The following MCTP1 variants were observed in gnomAD, a reference collection of about 807,000 sequenced individuals.
MCTP1 encodes multiple C2 and transmembrane domain containing 1.
A neutral mutation model predicts 120.6 loss-of-function variants in MCTP1; 69 were observed. The observed-to-expected ratio is 0.57, with a 90% confidence interval of 0.47 to 0.70. The LOEUF is 0.70. MCTP1 is among the 30% of genes least tolerant of loss of function. The probability of loss-of-function intolerance (pLI) is 0.00; values close to 1 mark genes in which losing one functional copy is unlikely to be tolerated. For missense variants in MCTP1, 1,203 were observed against 1,248.8 expected (o/e 0.96, Z 0.55); for synonymous variants, 529 against 493.1 (o/e 1.07, Z -0.96).
intron 1 of MCTP1, among the ~76,000 whole-genome samples, chr5:95,169,580 T>G (rs1444299400): frequency 6.6e-6 from 1 of 152,236 alleles, no homozygotes; most frequent in African/African-American, 2.4e-5. Context: ...AAGAGCCTGT[T>G]ATTGGTCTAT....
chr5:95,028,892 T>C (rs1045928011), intron 1 of MCTP1, among the ~76,000 whole-genome samples: 2 of 152,208 alleles, frequency 1.3e-5, no homozygotes, highest in African/African-American at 4.8e-5. Flanking sequence ...CCGGGCACGG[T>C]GGCTCACGCC....
intron 1 of MCTP1, among the ~76,000 whole-genome samples, chr5:95,142,782 TAG>T (rs890866016): frequency 6.6e-6 from 1 of 152,096 alleles, no homozygotes; most frequent in African/African-American, 2.4e-5. Context: ...CAACACAGCA[TAG>T]ATAGCATGAA....
At chr5:94,726,984 CAAGT>C (rs1462355585) in intron 19 of MCTP1, among the ~76,000 whole-genome samples, 1 of 152,140 alleles carries the variant, frequency 6.6e-6, no homozygotes, top group East Asian at 1.9e-4. Flanking sequence ...TCTCCACAAC[CAAGT>C]AAGGACTGCT....
At chr5:95,066,707 C>G (rs996107008) in intron 1 of MCTP1, among the ~76,000 whole-genome samples, 6 of 152,000 alleles carry the variant, frequency 3.9e-5, no homozygotes, top group African/African-American at 1.2e-4. Flanking sequence ...ATGGACAAAC[C>G]TGGAGGGCAT....
intron 17 of MCTP1, among the ~76,000 whole-genome samples, chr5:94,807,593 TA>T (rs1337226550): frequency 2.0e-5 from 3 of 152,118 alleles, no homozygotes; most frequent in Non-Finnish European, 4.4e-5. Flanking sequence ...AAAGGGAATA[TA>T]AAAAGAAGGA....
At chr5:95,159,069 G>C (rs1337580535) in intron 1 of MCTP1, among the ~76,000 whole-genome samples, 1 of 152,098 alleles carries the variant, frequency 6.6e-6, no homozygotes, top group Admixed American at 6.6e-5. Context: ...AATCATACCA[G>C]ACTACAACCA....
chr5:94,811,302 A>G (rs1580807908), intron 17 of MCTP1, among the ~76,000 whole-genome samples: 1 of 152,202 alleles, frequency 6.6e-6, no homozygotes, highest in East Asian at 1.9e-4. Context: ...TTTGAGCACT[A>G]AGTATACATT....
intron 1 of MCTP1, among the ~76,000 whole-genome samples, chr5:95,125,968 G>C (rs892649345): frequency 1.3e-5 from 2 of 152,074 alleles, no homozygotes; most frequent in African/African-American, 4.8e-5. Context: ...CTAACACAAA[G>C]CTATGAAGAA....
chr5:95,034,725 G>C (rs975772475), intron 1 of MCTP1, among the ~76,000 whole-genome samples: 1 of 151,674 alleles, frequency 6.6e-6, no homozygotes, highest in African/African-American at 2.4e-5. Flanking sequence ...TAGACAAATG[G>C]GACTTAAGCT....
chr5:94,943,705 A>C (rs558935729), intron 3 of MCTP1, among the ~76,000 whole-genome samples: 1 of 152,202 alleles, frequency 6.6e-6, no homozygotes, highest in South Asian at 2.1e-4. Context: ...AATTCTGATA[A>C]GTGTTTTAAG....
chr5:94,866,701 ATATC>A (rs1796881006), intron 17 of MCTP1, among the ~76,000 whole-genome samples: 1 of 151,578 alleles, frequency 6.6e-6, no homozygotes, highest in Admixed American at 6.6e-5. Flanking sequence ...CACTCAAGTA[ATATC>A]ATGTAAATGT....
chr5:94,814,341 G>A (rs866324311), intron 17 of MCTP1, among the ~76,000 whole-genome samples: 4 of 152,264 alleles, frequency 2.6e-5, no homozygotes, highest in Middle Eastern at 3.4e-3. Flanking sequence ...GGAACCTTGG[G>A]TGTATCTTGC....
chr5:95,209,755 C>T (rs1380583884), intron 1 of MCTP1, among the ~76,000 whole-genome samples: 3 of 152,080 alleles, frequency 2.0e-5, no homozygotes, highest in Non-Finnish European at 4.4e-5. Flanking sequence ...TTTGTCTGAA[C>T]ATTAAGAAGC....
At position 95,219,193 on chromosome 5, in the gene MCTP1, A is replaced by G. The variant is rs189093001; in HGVS notation, c.720+64663T>C. Among the ~76,000 whole-genome samples the G allele has an allele frequency of 1.4e-3, 219 of 152,196 alleles. 1 individual carries two copies. The highest frequency in any genetic ancestry group is 3.4e-3 in the Admixed American group (52 of 15,300). On this transcript the variant is annotated intron_variant, in intron 1 of 22. Transcript: ENST00000515393. ...TCAGGAGATCGAGACCATCCTGGCTAATACGGTGAAACCCCGTCTCTACTA... is the reference window on the plus strand; with the variant it reads ...TCAGGAGATCGAGACCATCCTGGCTGATACGGTGAAACCCCGTCTCTACTA...
chr5:95,255,745 G>A (rs1351292739), intron 1 of MCTP1, among the ~76,000 whole-genome samples: 1 of 152,144 alleles, frequency 6.6e-6, no homozygotes, highest in Admixed American at 6.5e-5. Flanking sequence ...GAGAAGCAGA[G>A]TGTCAGAGAA....
chr5:94,819,488 C>T (rs1303171073), intron 17 of MCTP1, among the ~76,000 whole-genome samples: 13 of 152,096 alleles, frequency 8.5e-5, no homozygotes, highest in East Asian at 3.9e-4. Context: ...CACTCTTCAG[C>T]GTACAGTTTT....
chr5:94,758,397 G>T (rs945862812), intron 19 of MCTP1, among the ~76,000 whole-genome samples: 17 of 152,258 alleles, frequency 1.1e-4, no homozygotes, highest in Admixed American at 1.0e-3. Context: ...AGTGAGCTAT[G>T]ATTACACCAC....
In MCTP1 at chr5:94,803,144, G is replaced by A. The variant is rs1470007119; in HGVS notation, c.2437-4012C>T. On this transcript the variant is annotated intron_variant, in intron 17 of 22. Transcript: ENST00000515393. ...AGTTATCCATGTTCATTAGAGACTA[G>A]AACTATTCCAAGAATTTGGTGGCTT... Among the ~76,000 whole-genome samples, 4 of 152,252 alleles carry A rather than the reference G, an allele frequency of 2.6e-5. No individual in the cohort carries two copies. The East Asian group carries it at 7.7e-4, about 29-fold the overall frequency.
At chr5:94,914,797 C>T (rs1809647805) in intron 8 of MCTP1, among the ~76,000 whole-genome samples, 1 of 152,190 alleles carries the variant, frequency 6.6e-6, no homozygotes, top group Non-Finnish European at 1.5e-5. Context: ...TTTTGTTGAA[C>T]AGAGGACTTC....
Sources: allele counts gnomAD v4.1 joint callset (sites outside exome capture counted in the v4.1 genomes callset), GRCh38; gene constraint gnomAD v4.1.1; transcripts MANE v1.5; gene names NCBI Gene and HGNC (gene_info 2026-07-23, HGNC 2026-07-21).